Variants in HS6ST2 observed in about 807,000 individuals in gnomAD.
HS6ST2 encodes heparan-sulfate 6-O-sulfotransferase 2.
HS6ST2 carries 17 observed loss-of-function variants against 33.0 expected under a neutral mutation model. That is an observed-to-expected ratio of 0.52 (90% CI 0.35 to 0.77). HS6ST2 has a LOEUF of 0.77. HS6ST2 is among the 30% of genes least tolerant of loss of function. The pLI is 0.01. For missense variants in HS6ST2, 519 were observed against 551.7 expected (o/e 0.94, Z 0.59); for synonymous variants, 248 against 237.1 (o/e 1.05, Z -0.42).
intron 2 of HS6ST2, among the ~76,000 whole-genome samples, chrX:132,769,629 A>G (rs907706415): frequency 9.8e-5 from 11 of 112,530 alleles, no homozygotes; most frequent in African/African-American, 3.5e-4. Context: ...CAAGAAACAA[A>G]TATCACCCAC....
rs756635716 is a variant in HS6ST2, at chrX:132,957,235, G to C, written c.520C>G (p.Pro174Ala). Residue 174 changes from proline to alanine, a missense_variant, in exon 2 of 5, where the codon CCC becomes GCC. Pro to Ala is a conservative substitution (Grantham distance 27). Coordinates refer to ENST00000370833, the MANE Select transcript of HS6ST2 (RefSeq NM_001394073.1). ...CGGAGGAGCTGGCATTCTGTGCCGG[G>C]GCACACGTATTGGAGGACGATCACG... is the stretch of plus-strand genomic sequence containing the variant. ...FAVIVLQYVC[P>A]GTECQLLRLQ... 3.3e-6 allele frequency: 4 copies of C among 1,205,924 alleles called. No homozygotes were observed. The Admixed American group carries it at 8.8e-5, about 26-fold the overall frequency.
intron 2 of HS6ST2, among the ~76,000 whole-genome samples, chrX:132,778,924 T>G (rs1048031155): frequency 1.8e-5 from 2 of 111,835 alleles, no homozygotes; most frequent in African/African-American, 6.5e-5. Context: ...TTTCAAAAGG[T>G]GCTTCAAAAC....
chrX:132,868,995 A>T (rs866142746), intron 2 of HS6ST2, among the ~76,000 whole-genome samples: 1 of 104,361 alleles, frequency 9.6e-6, no homozygotes, highest in Middle Eastern at 4.9e-3. Flanking sequence ...TCCAGGAGGT[A>T]TTTTTTTTTT....
At chrX:132,708,300 A>G (rs1025313690) in intron 3 of HS6ST2, among the ~76,000 whole-genome samples, 162 bp downstream of exon 3, 1 of 22,771 alleles carries the variant, frequency 4.4e-5, no homozygotes, top group Non-Finnish European at 7.3e-5. Flanking sequence ...GTTTTAAACT[A>G]AAAAAAAAAA....
At chrX:132,863,316 A>C (rs1391559083) in intron 2 of HS6ST2, among the ~76,000 whole-genome samples, 1 of 110,477 alleles carries the variant, frequency 9.1e-6, no homozygotes, top group Non-Finnish European at 1.9e-5. Flanking sequence ...TTCCACTTTT[A>C]TTACATATTT....
chrX:132,800,716 G>A (rs985922555), intron 2 of HS6ST2, among the ~76,000 whole-genome samples: 5 of 111,307 alleles, frequency 4.5e-5, no homozygotes, highest in African/African-American at 6.5e-5. Flanking sequence ...CTGACTGGCC[G>A]GTTTCTAACT....
chrX:132,915,417 C>T lies in HS6ST2; in HGVS notation c.947+41391G>A, dbSNP rs556843714. ...CTAGTGAATAACTCTTTCCTCAAGA[C>T]GTATCTTTAGATTTATGTTTTGCTT... is the stretch of plus-strand genomic sequence containing the variant. On this transcript the variant is annotated intron_variant, in intron 2 of 4. Coordinates refer to ENST00000370833, the MANE Select transcript of HS6ST2 (RefSeq NM_001394073.1). 8.0e-5 allele frequency among the ~76,000 whole-genome samples: 9 copies of T among 112,132 alleles called. No individual in the cohort carries two copies. The South Asian group carries it at 1.5e-3, about 19-fold the overall frequency.
chrX:132,831,579 G>A (rs897540310), intron 2 of HS6ST2, among the ~76,000 whole-genome samples: 1 of 111,528 alleles, frequency 9.0e-6, no homozygotes, highest in African/African-American at 3.3e-5. Context: ...TCTCAGAACC[G>A]AGATACTTTG....
chrX:132,854,889 C>T (rs2065838330), intron 2 of HS6ST2, among the ~76,000 whole-genome samples: 1 of 112,173 alleles, frequency 8.9e-6, no homozygotes, highest in South Asian at 3.7e-4. Flanking sequence ...CTCTTCTCTC[C>T]TTCACTCCTG....
intron 2 of HS6ST2, among the ~76,000 whole-genome samples, chrX:132,953,440 A>C (rs1367747398): frequency 9.0e-6 from 1 of 111,722 alleles, no homozygotes; most frequent in East Asian, 2.8e-4. Context: ...TATATCACCC[A>C]AGCACTTAAC....
chrX:132,886,733 TAGAA>T (rs1378650090), intron 2 of HS6ST2, among the ~76,000 whole-genome samples: 1 of 111,014 alleles, frequency 9.0e-6, no homozygotes, highest in African/African-American at 3.3e-5. Flanking sequence ...TAGAAAAATC[TAGAA>T]AGAAACAACA....
At chrX:132,951,191 C>T (rs1053904898) in intron 2 of HS6ST2, among the ~76,000 whole-genome samples, 1 of 111,328 alleles carries the variant, frequency 9.0e-6, no homozygotes, top group African/African-American at 3.3e-5. Context: ...TAGACTCCGA[C>T]CTTTATTTAC....
intron 2 of HS6ST2, among the ~76,000 whole-genome samples, chrX:132,896,787 G>A (rs1569502267): frequency 8.9e-6 from 1 of 112,067 alleles, no homozygotes; most frequent in East Asian, 2.8e-4. Flanking sequence ...TAAAATCAGT[G>A]TTTTGCTCAT....
intron 2 of HS6ST2, among the ~76,000 whole-genome samples, chrX:132,818,037 C>T (rs758286311): frequency 8.1e-5 from 9 of 111,534 alleles, no homozygotes; most frequent in Non-Finnish European, 1.7e-4. Context: ...TGAATATACA[C>T]ACATATTTTT....
chrX:132,785,003 CT>C (rs1031351555), intron 2 of HS6ST2, among the ~76,000 whole-genome samples: 2 of 111,718 alleles, frequency 1.8e-5, no homozygotes, highest in African/African-American at 6.5e-5. Flanking sequence ...ATATGGACCC[CT>C]GAGTCACTTC....
intron 4 of HS6ST2, among the ~76,000 whole-genome samples, chrX:132,657,088 A>G (rs2063735630): frequency 8.9e-6 from 1 of 111,864 alleles, no homozygotes; most frequent in Non-Finnish European, 1.9e-5. Context: ...AGGCATTTGC[A>G]GGGGAGAGGG....
At chrX:132,803,455 C>A (rs1283121259) in intron 2 of HS6ST2, among the ~76,000 whole-genome samples, 1 of 111,668 alleles carries the variant, frequency 9.0e-6, no homozygotes, top group Non-Finnish European at 1.9e-5. Flanking sequence ...GTCACCCAGG[C>A]TGGAGTGCAG....
At chrX:132,940,381 T>G (rs1230385637) in intron 2 of HS6ST2, among the ~76,000 whole-genome samples, 1 of 111,841 alleles carries the variant, frequency 8.9e-6, no homozygotes, top group Non-Finnish European at 1.9e-5. Context: ...TAAATTTTTG[T>G]GAACACTAGG....
At chrX:132,834,165 C>T (rs1270587126) in intron 2 of HS6ST2, among the ~76,000 whole-genome samples, 1 of 111,535 alleles carries the variant, frequency 9.0e-6, no homozygotes, top group African/African-American at 3.3e-5. Context: ...ATTTAAATGC[C>T]ATCCACCTGC....
Sources: gnomAD v4.1 joint callset for allele counts (sites outside exome capture counted in the v4.1 genomes callset) on GRCh38, gnomAD v4.1.1 for gene constraint, MANE v1.5 for transcripts, NCBI Gene and HGNC (gene_info 2026-07-23, HGNC 2026-07-21) for gene names.